Variants in TTN observed in about 807,000 individuals in gnomAD.
TTN encodes titin.
TTN carries 1,525 observed loss-of-function variants against 3,223.0 expected under a neutral mutation model. The observed-to-expected ratio is 0.47, with a 90% confidence interval of 0.45 to 0.49. The LOEUF (loss-of-function observed/expected upper bound fraction) is 0.49, where lower values mean the gene tolerates loss of function less well. TTN is among the 20% of genes least tolerant of loss of function. TTN has a pLI of 0.00. For missense variants in TTN, 40,786 were observed against 43,424.0 expected, an observed-to-expected ratio of 0.94 and a Z score of 5.40; for synonymous variants, 14,094 against 15,161.0, an observed-to-expected ratio of 0.93 and a Z score of 5.17.
intron 122 of TTN, 64 bp downstream of exon 122, chr2:178,689,749 A>C: frequency 6.6e-7 from 1 of 1,520,450 alleles, no homozygotes. Flanking sequence ...TGAACAGATA[A>C]TTAAACACAA....
rs2742344 is a variant in TTN, at chr2:178,704,673, C to G, written c.29799G>C (p.Ser9933=). The change falls in exon 105 of 363, where the codon TCG becomes TCC. Residue 9933 remains serine, a synonymous_variant. Coordinates refer to ENST00000589042, the MANE Select transcript of TTN (RefSeq NM_001267550.2). ...IKINYPEIKL[S]WYKGTEKLEP... The stretch of plus-strand genomic sequence containing the variant: ...CCAGTTTTTCAGTTCCTTTGTACCA[C>G]GAAAGCTTGATTTCTGGATAATTAA... 1 of 1,611,630 alleles carries G rather than the reference C, an allele frequency of 6.2e-7. No homozygotes were observed. The highest frequency in any genetic ancestry group is 2.2e-5 in the East Asian group (1 of 44,842).
chr2:178,669,352 C>A (rs1347256652), intron 159 of TTN, 21 bp downstream of exon 159: 1 of 1,511,476 alleles, frequency 6.6e-7, no homozygotes, highest in Non-Finnish European at 8.8e-7. Flanking sequence ...GAAAAAGAAC[C>A]ACTAATTTTT....
intron 43 of TTN, among the ~76,000 whole-genome samples, chr2:178,759,973 A>G (rs1445959363): frequency 6.6e-6 from 1 of 152,188 alleles, no homozygotes; most frequent in Non-Finnish European, 1.5e-5. Flanking sequence ...GGTGATATGC[A>G]CTTTAATTTT....
chr2:178,740,740 C>T lies in TTN; in HGVS notation c.12493G>A (p.Gly4165Ser), dbSNP rs528958837. 1.3e-5 allele frequency: 21 copies of T among 1,613,758 alleles called. No individual in the cohort carries two copies. In the South Asian group the frequency reaches 1.9e-4, roughly 14 times the overall value. Residue 4165 changes from glycine (G) to serine (S), a missense_variant, in exon 48 of 363, where the codon GGT becomes AGT. Transcript: ENST00000589042. ...VQSQKTFSKE[G>S]ILMPEEPETQ... ...TCAGGCTCTTCAGGCATTAGAATAC[C>T]TTCTTTGGAGAAGGTTTTCTGGGAC...
rs201489661 is a variant in TTN at position 178,563,897 on chromosome 2, G to C, written c.82235C>G (p.Thr27412Arg). ...ISHYIIEKRE[T>R]SRLSWTQVST... The stretch of plus-strand genomic sequence containing the variant: ...AACCTGGGTCCAAGAGAGTCGGCTT[G>C]TCTCCCTCTTTTCAATGATGTAATG... Residue 27412 changes from threonine (T) to arginine (R), a missense_variant, in exon 326 of 363, where the codon ACA (threonine) becomes AGA (arginine). Coordinates refer to ENST00000589042, the MANE Select transcript of TTN (RefSeq NM_001267550.2). This position sits in a 1 kb window ranked among gnomAD's most constrained non-coding sequence, Gnocchi z 4.5. 26 of 1,613,732 alleles carry C rather than the reference G, an allele frequency of 1.6e-5. No individual in the cohort carries two copies. The South Asian group carries it at 2.9e-4, about 18-fold the overall frequency.
At position 178,537,706 on chromosome 2, in the gene TTN, A is replaced by G. The variant is rs2154138400; in HGVS notation, c.99501T>C (p.Asp33167=). The G allele has an allele frequency of 6.2e-7, 1 of 1,613,752 alleles. No homozygotes were observed. The highest frequency in any genetic ancestry group is 8.5e-7 in the Non-Finnish European group (1 of 1,179,766). ...TLTVMTEEQE[D]EGVYTCIATN... is the part of the protein sequence containing the mutation. ...TGGCTATGCAGGTATAAACACCTTC[A>G]TCTTCCTGTTCCTCTGTCATTACTG... Residue 33167 remains aspartate (D), a synonymous_variant, in exon 355 of 363, where the codon GAT becomes GAC. Transcript: ENST00000589042.
chr2:178,692,462 G>T, intron 120 of TTN, 35 bp downstream of exon 120: 50 of 1,521,724 alleles, frequency 3.3e-5, no homozygotes, highest in Non-Finnish European at 4.5e-5. Flanking sequence ...CAAGATGGAT[G>T]CTAAGAATTA....
intron 47 of TTN, chr2:178,751,350 T>C (rs1286613093): frequency 1.9e-6 from 3 of 1,606,852 alleles, no homozygotes; most frequent in Non-Finnish European, 2.5e-6. Flanking sequence ...AGCCAACCTC[T>C]TATGTCAGAT....
chr2:178,663,847 AG>A lies in TTN; in HGVS notation c.36419del (p.Pro12140LeufsTer18), dbSNP rs1375357993. ...IREEKVPLAP[P>X]KEPEVPPVKV... ...TAACAGGTGGGACTTCAGGCTCTTT[AG>A]GAGGAGCCAAGGGCACTTTCTCTTC... On this transcript the variant is annotated frameshift_variant, in exon 170 of 363. Transcript: ENST00000589042. LOFTEE classifies it high-confidence loss of function. 6.2e-7 allele frequency: 1 copy of A among 1,613,446 alleles called. No individual in the cohort carries two copies. Among genetic ancestry groups the A allele is most frequent in the Non-Finnish European group, 8.5e-7 (1 of 1,179,820 alleles).
chr2:178,783,967 G>C (rs1348899884), intron 16 of TTN, 103 bp downstream of exon 16: 2 of 1,584,588 alleles, frequency 1.3e-6, no homozygotes, highest in African/African-American at 2.7e-5. Context: ...TGGCAAAGGA[G>C]AAAGGCAAGA....
At chr2:178,750,113 G>A (rs971008039) in intron 47 of TTN, 2 of 1,613,154 alleles carry the variant, frequency 1.2e-6, no homozygotes, top group South Asian at 2.2e-5. Context: ...AAGCAATTCT[G>A]TGTCTCCAGA....
At chr2:178,744,620 G>T (rs1230033489) in intron 47 of TTN, 1 of 940,564 alleles carries the variant, frequency 1.1e-6, no homozygotes, top group Non-Finnish European at 1.3e-6. Context: ...AGGAAAGCTT[G>T]TTATCTTGTT....
At chr2:178,626,502 G>A (rs2059072811) in intron 240 of TTN, among the ~76,000 whole-genome samples, 2 of 151,934 alleles carry the variant, frequency 1.3e-5, no homozygotes, top group East Asian at 1.9e-4. Flanking sequence ...TAAAAATAAT[G>A]TAAAGTTTTT....
In TTN at chr2:178,751,346, C is replaced by A. The variant is rs149590569; in HGVS notation, c.11311+1778G>T. On this transcript the variant is annotated intron_variant, in intron 47 of 362. Transcript: ENST00000589042. ...GAAACTTTCACCTACATTAAGCCAA[C>A]CTCTTATGTCAGATTTACTTTCTAA... The A allele has an allele frequency of 1.2e-5, 20 of 1,606,256 alleles. No homozygotes were observed. The South Asian group carries it at 2.2e-4, about 18-fold the overall frequency.
intron 24 of TTN, chr2:178,778,654 C>T: frequency 1.7e-6 from 1 of 601,458 alleles, no homozygotes; most frequent in Non-Finnish European, 2.9e-6. Flanking sequence ...TTAGCTATAG[C>T]ACTAGGAAAA....
At chr2:178,778,414 A>T in intron 24 of TTN, 3 of 247,200 alleles carry the variant, frequency 1.2e-5, no homozygotes, top group South Asian at 1.1e-4. Context: ...TGAATTTGGA[A>T]ACAAAACAAA....
rs1235386202 is a variant in TTN at position 178,612,937 on chromosome 2, G to A, written c.49784C>T (p.Thr16595Ile). The part of the protein sequence containing the change: ...SYVIEMLKTG[T>I]DEWVRVAEGV... ...TTCCGCCACTCTGACCCACTCATCT[G>A]TTCCAGTCTTCAGCATTTCAATGAC... The change falls in exon 265 of 363, where the codon ACA (threonine) becomes ATA (isoleucine). Residue 16595 changes from threonine (T) to isoleucine (I), a missense_variant. Transcript: ENST00000589042. 1.2e-6 allele frequency: 2 copies of A among 1,612,670 alleles called. No individual in the cohort carries two copies. Among genetic ancestry groups the A allele is most frequent in the Admixed American group, 1.7e-5 (1 of 59,916 alleles).
rs1215862556 is a variant in TTN at position 178,577,333 on chromosome 2, G to A, written c.69002C>T (p.Thr23001Ile). Residue 23001 changes from threonine (T) to isoleucine (I), a missense_variant, in exon 324 of 363, where the codon ACA (threonine) becomes ATA (isoleucine). Physicochemically the swap from Thr to Ile is moderately conservative, Grantham distance 89. Coordinates refer to ENST00000589042, the MANE Select transcript of TTN (RefSeq NM_001267550.2). ...SDITQITSTPTSSMLTIKYAT... is the reference protein window; with the variant it reads ...SDITQITSTPISSMLTIKYAT... ...ATACTTGATAGTAAGCATGGAAGAT[G>A]TTGGGGTTGAAGTTATCTGAGTGAT... is the stretch of plus-strand genomic sequence containing the variant. 4 of 1,612,958 alleles carry A rather than the reference G, an allele frequency of 2.5e-6. No homozygotes were observed. Among genetic ancestry groups the A allele is most frequent in the Admixed American group, 3.3e-5 (2 of 59,910 alleles).
rs1574085972 is a variant in TTN at position 178,740,869 on chromosome 2, T to C, written c.12364A>G (p.Lys4122Glu). 4 of 1,613,924 alleles carry C rather than the reference T, an allele frequency of 2.5e-6. No individual in the cohort carries two copies. The highest frequency in any genetic ancestry group is 3.4e-6 in the Non-Finnish European group (4 of 1,179,834). ...TCCCTGGTGCTTTCAGGAGTGAGCT[T>C]GTCTTGCTCCAAAATGGATTGCAAT... Reference protein sequence around the residue: ...QELQSILEQDKLTPESTREFL... With the variant: ...QELQSILEQDELTPESTREFL... The change falls in exon 48 of 363, where the codon AAG becomes GAG. Residue 4122 changes from lysine to glutamate, a missense_variant. Coordinates refer to ENST00000589042, the MANE Select transcript of TTN (RefSeq NM_001267550.2).
Sources: gnomAD v4.1 joint callset for allele counts (sites outside exome capture counted in the v4.1 genomes callset) on GRCh38, gnomAD v4.1.1 for gene constraint, Gnocchi (gnomAD v3.1) non-coding constraint, MANE v1.5 for transcripts, NCBI Gene and HGNC (gene_info 2026-07-23, HGNC 2026-07-21) for gene names.